The following HNRNPLL variants were observed in gnomAD, a reference collection of about 807,000 sequenced individuals.
HNRNPLL encodes the protein heterogeneous nuclear ribonucleoprotein L like.
A neutral mutation model predicts 67.1 loss-of-function variants in HNRNPLL; 25 were observed. That is an observed-to-expected ratio of 0.37 (90% confidence interval 0.27 to 0.52). The LOEUF (loss-of-function observed/expected upper bound fraction) is 0.52, where lower values mean the gene tolerates loss of function less well. Among genes scored for constraint, HNRNPLL ranks in the 20% least tolerant of loss-of-function variants. The pLI is 0.90. For synonymous variants in HNRNPLL, 267 were observed against 241.7 expected, an observed-to-expected ratio of 1.10 and a Z score of -0.97; for missense variants, 542 against 673.9, an observed-to-expected ratio of 0.80 and a Z score of 2.17.
At chr2:38,602,071 G>A in intron 1 of HNRNPLL, 2 of 258,152 alleles carry the variant, frequency 7.7e-6, no homozygotes, top group South Asian at 4.3e-5. Flanking sequence ...GAAGAGAACC[G>A]GTGGTCCCGA....
intron 2 of HNRNPLL, among the ~76,000 whole-genome samples, chr2:38,588,756 A>G (rs2148371464): frequency 6.6e-6 from 1 of 152,312 alleles, no homozygotes; most frequent in East Asian, 1.9e-4. Context: ...ACGCACTCAT[A>G]TGAAACCAGG....
intron 1 of HNRNPLL, chr2:38,601,661 T>C (rs1374077975): frequency 6.6e-6 from 1 of 152,218 alleles, no homozygotes; most frequent in East Asian, 1.9e-4. Context: ...AATGTGTGTT[T>C]AATGCAACCC....
In HNRNPLL at chr2:38,583,006, C is replaced by G. The variant is rs1573740538; in HGVS notation, c.632+835G>C. On this transcript the variant is annotated intron_variant, in intron 4 of 12. Coordinates refer to ENST00000449105, the MANE Select transcript of HNRNPLL (RefSeq NM_138394.4). Reference sequence around the variant, plus strand: ...GGAGATAATGGAGCATGGTCCCATTCCCTAGCAAAGGACAACTTGCAACCT... The same window carrying G: ...GGAGATAATGGAGCATGGTCCCATTGCCTAGCAAAGGACAACTTGCAACCT... Among the ~76,000 whole-genome samples the G allele has an allele frequency of 2.0e-5, 3 of 152,118 alleles. No individual in the cohort carries two copies. In the South Asian group the frequency reaches 6.2e-4, roughly 31 times the overall value.
At chr2:38,578,651 C>A (rs963881628) in intron 6 of HNRNPLL, among the ~76,000 whole-genome samples, 2 of 151,976 alleles carry the variant, frequency 1.3e-5, no homozygotes, top group Non-Finnish European at 1.5e-5. Flanking sequence ...AACTTTTACT[C>A]AATGTAAAAA....
chr2:38,570,035 C>A, intron 8 of HNRNPLL, 110 bp from the exon 9 acceptor site: 2 of 726,996 alleles, frequency 2.8e-6, no homozygotes, highest in Admixed American at 2.6e-5. Context: ...GGAAGATCAC[C>A]TGGATTTTAA....
intron 7 of HNRNPLL, among the ~76,000 whole-genome samples, chr2:38,576,713 T>C (rs10186867): frequency 6.6e-6 from 1 of 151,884 alleles, no homozygotes; most frequent in African/African-American, 2.4e-5. Flanking sequence ...ATCCCAAGAC[T>C]ACAATATAGC....
intron 6 of HNRNPLL, chr2:38,581,441 C>A: frequency 5.8e-6 from 1 of 172,434 alleles, no homozygotes. Flanking sequence ...AGGTGAATTG[C>A]GAGTCTGAGT....
intron 2 of HNRNPLL, among the ~76,000 whole-genome samples, chr2:38,589,063 C>T (rs959166485): frequency 1.3e-5 from 2 of 152,090 alleles, no homozygotes; most frequent in African/African-American, 2.4e-5. Context: ...CTAATCATTT[C>T]CTAATATCTC....
rs1041909994 is a variant in HNRNPLL at position 38,567,238 on chromosome 2, A to G, written c.1573+961T>C. The stretch of plus-strand genomic sequence containing the variant: ...CTGCCTCAGCCTCCCAAGTAGCTGA[A>G]ACTACAAGTGTGTGCCACCACGCCA... On this transcript the variant is annotated intron_variant, in intron 12 of 12. Transcript: ENST00000449105. Among the ~76,000 whole-genome samples the G allele has an allele frequency of 9.2e-5, 14 of 152,106 alleles. No individual in the cohort carries two copies. The East Asian group carries it at 1.9e-3, about 21-fold the overall frequency.
chr2:38,565,580 A>G (rs1665825456), intron 12 of HNRNPLL, among the ~76,000 whole-genome samples: 1 of 151,678 alleles, frequency 6.6e-6, no homozygotes, highest in Admixed American at 6.6e-5. Context: ...ATACACCAAT[A>G]AGCTGGATGT....
At chr2:38,570,851 G>GC (rs1457134601) in intron 8 of HNRNPLL, among the ~76,000 whole-genome samples, 2 of 151,742 alleles carry the variant, frequency 1.3e-5, no homozygotes, top group Non-Finnish European at 2.9e-5. Context: ...AGACCAGGCT[G>GC]GGCAACATAG....
In HNRNPLL at chr2:38,591,465, T is replaced by A. The variant is rs574199398; in HGVS notation, c.308+65A>T. The A allele has an allele frequency of 5.7e-6, 5 of 878,174 alleles. No individual in the cohort carries two copies. In the South Asian group the frequency reaches 6.6e-5, roughly 12 times the overall value. 54.4% of individuals were successfully genotyped at this position (878,174 alleles called of 1,614,324 possible). On this transcript the variant is annotated intron_variant, in intron 2 of 12. Transcript: ENST00000449105. The stretch of plus-strand genomic sequence containing the variant: ...TTACTATGCTAAACATCAAGGCTTG[T>A]AACAAGCAAGCAAGGATTATTCTAC...
intron 6 of HNRNPLL, among the ~76,000 whole-genome samples, chr2:38,580,384 G>A (rs1666476862): frequency 6.6e-6 from 1 of 152,184 alleles, no homozygotes; most frequent in African/African-American, 2.4e-5. Context: ...CATGCATAAG[G>A]CAAGATGATT....
intron 2 of HNRNPLL, among the ~76,000 whole-genome samples, chr2:38,590,935 G>A (rs919131268): frequency 6.6e-6 from 1 of 152,124 alleles, no homozygotes; most frequent in Non-Finnish European, 1.5e-5. Context: ...GGCTCAGGAG[G>A]TGGAGGCTCC....
chr2:38,578,050 T>G (rs1435563169), intron 6 of HNRNPLL: 1 of 466,904 alleles, frequency 2.1e-6, no homozygotes, highest in Admixed American at 2.4e-5. Context: ...ATTTTATAAG[T>G]ATATGCACAT....
At position 38,563,890 on chromosome 2, in the gene HNRNPLL, A is replaced by T. The variant is rs953159914; in HGVS notation, c.*292T>A. On this transcript the variant is annotated 3_prime_UTR_variant, in exon 13 of 13. Transcript: ENST00000449105. The stretch of plus-strand genomic sequence containing the variant: ...GATAATTAGCATTAAGAATGCAAAT[A>T]TATTTTTACTGTGGAAGAAAAATTC... The T allele has an allele frequency of 3.1e-5, 8 of 255,868 alleles. No individual in the cohort carries two copies. The highest frequency in any genetic ancestry group is 5.5e-5 in the Admixed American group (1 of 18,332). 15.8% of individuals were successfully genotyped at this position (255,868 alleles called of 1,614,324 possible).
In HNRNPLL at chr2:38,585,033, CAACTGAAGTTTCCCTT is replaced by C. The variant is rs1352341682; in HGVS notation, c.546+595_546+610del. Among the ~76,000 whole-genome samples, 7 of 152,068 alleles carry C rather than the reference CAACTGAAGTTTCCCTT, an allele frequency of 4.6e-5. No individual in the cohort carries two copies. The East Asian group carries it at 1.3e-3, about 29-fold the overall frequency. ...CATATGCCCAGACTACATATGATACCAACTGAAGTTTCCCTTACTGTGATGTTCCTCTATTCATTAC... is the reference window on the plus strand; with the variant it reads ...CATATGCCCAGACTACATATGATACCACTGTGATGTTCCTCTATTCATTAC... On this transcript the variant is annotated intron_variant, in intron 3 of 12. Transcript: ENST00000449105.
In HNRNPLL at chr2:38,569,943, C is replaced by A; in HGVS notation, c.1093-18G>T. 6.4e-7 allele frequency: 1 copy of A among 1,556,404 alleles called. No individual in the cohort carries two copies. Among genetic ancestry groups the A allele is most frequent in the Non-Finnish European group, 8.7e-7 (1 of 1,150,054 alleles). On this transcript the variant is annotated intron_variant, in intron 8 of 12. Coordinates refer to ENST00000449105, the MANE Select transcript of HNRNPLL (RefSeq NM_138394.4). ...AATTTTACCTGTAAACACAAAATTC[C>A]AAAAAGGTGACCATTTAATTCCCTT...
Position 38,602,825 on chromosome 2 carries a change from G to A in HNRNPLL, c.-199C>T. 2 of 1,546,972 alleles carry A rather than the reference G, an allele frequency of 1.3e-6. No individual in the cohort carries two copies. The highest frequency in any genetic ancestry group is 1.7e-6 in the Non-Finnish European group (2 of 1,145,518). The stretch of plus-strand genomic sequence containing the variant: ...CGGACTGAGGGGGGCGCCCCGGGAG[G>A]AAGCTCTGGAGCGGCCGCTCCTCTC... On this transcript the variant is annotated 5_prime_UTR_variant, in exon 1 of 13. Transcript: ENST00000449105.
Sources: allele counts gnomAD v4.1 joint callset (sites outside exome capture counted in the v4.1 genomes callset), GRCh38; gene constraint gnomAD v4.1.1; transcripts MANE v1.5; gene names NCBI Gene and HGNC (gene_info 2026-07-23, HGNC 2026-07-21).